DCC: variants seen among roughly 807,000 people sequenced by gnomAD.
DCC encodes netrin receptor DCC.
In DCC, 58 loss-of-function variants were observed where a neutral mutation model predicts 172.5. The observed-to-expected ratio is 0.34, with a 90% CI of 0.27 to 0.42. The LOEUF is 0.42. DCC is among the 10% of genes least tolerant of loss of function. The pLI, the probability that DCC is intolerant of heterozygous loss-of-function variation, is 1.00. For synonymous variants in DCC, 709 were observed against 644.5 expected, an observed-to-expected ratio of 1.10 and a Z score of -1.52; for missense variants, 1,740 against 1,791.0, an observed-to-expected ratio of 0.97 and a Z score of 0.51.
intron 5 of DCC, among the ~76,000 whole-genome samples, chr18:52,989,634 G>C (rs1291994869): frequency 1.3e-5 from 2 of 152,134 alleles, no homozygotes; most frequent in Non-Finnish European, 2.9e-5. Flanking sequence ...AATAAATATA[G>C]ATAAGATATG....
At chr18:53,087,782 A>G (rs2042937175) in intron 7 of DCC, among the ~76,000 whole-genome samples, 1 of 152,162 alleles carries the variant, frequency 6.6e-6, no homozygotes, top group Non-Finnish European at 1.5e-5. Context: ...TTTTTATATA[A>G]GGTGTAAGGA....
chr18:52,443,774 AGCT>A (rs1376986302), intron 1 of DCC, among the ~76,000 whole-genome samples: 3 of 152,238 alleles, frequency 2.0e-5, no homozygotes, highest in Non-Finnish European at 2.9e-5. Context: ...TTTATTGTGT[AGCT>A]GCTAAGATGA....
chr18:52,744,485 A>G (rs1340760725), intron 1 of DCC, among the ~76,000 whole-genome samples: 1 of 152,182 alleles, frequency 6.6e-6, no homozygotes, highest in African/African-American at 2.4e-5. Flanking sequence ...TGCATTTTTT[A>G]GTAATAAAAA....
At chr18:53,280,037 C>A (rs146272625) in intron 12 of DCC, among the ~76,000 whole-genome samples, 4 of 152,120 alleles carry the variant, frequency 2.6e-5, no homozygotes, top group African/African-American at 7.2e-5. Flanking sequence ...GCCCCTATCA[C>A]ACAAAATTTA....
At chr18:52,610,993 C>A (rs1401605237) in intron 1 of DCC, among the ~76,000 whole-genome samples, 1 of 151,992 alleles carries the variant, frequency 6.6e-6, no homozygotes, top group Non-Finnish European at 1.5e-5. Context: ...TAGAATTTTC[C>A]CCTTTTGACA....
At chr18:53,370,874 C>G (rs1021957008) in intron 15 of DCC, among the ~76,000 whole-genome samples, 2 of 151,450 alleles carry the variant, frequency 1.3e-5, no homozygotes, top group Admixed American at 6.6e-5. Flanking sequence ...TTGTTAAGTC[C>G]TCTATTTTCT....
At chr18:53,117,259 T>C (rs932973213) in intron 7 of DCC, among the ~76,000 whole-genome samples, 2 of 151,768 alleles carry the variant, frequency 1.3e-5, no homozygotes, top group Non-Finnish European at 2.9e-5. Context: ...TGTAAGAAAG[T>C]TTACTTGCTC....
rs375542141 is a variant in DCC at position 52,536,969 on chromosome 18, C to CT, written c.91+196097dup. Among the ~76,000 whole-genome samples, 921 of 152,190 alleles carry CT rather than the reference C, an allele frequency of 6.1e-3. 14 individuals are homozygous for CT. Among genetic ancestry groups the CT allele is most frequent in the African/African-American group, 0.021 (885 of 41,526 alleles). On this transcript the variant is annotated intron_variant, in intron 1 of 28. Coordinates refer to ENST00000442544, the MANE Select transcript of DCC (RefSeq NM_005215.4). ...GGAAGGTTTAGACTCAGTGCAGTGC[C>CT]TTTTTTATTTTAATCATCCTTAAAG...
chr18:53,110,820 C>G (rs2043319000), intron 7 of DCC, among the ~76,000 whole-genome samples: 2 of 125,296 alleles, frequency 1.6e-5, no homozygotes, highest in Admixed American at 1.7e-4. Context: ...ACTAGTTCAA[C>G]CATTGTGGAA....
chr18:53,112,873 A>T (rs2043353566), intron 7 of DCC, among the ~76,000 whole-genome samples: 1 of 151,496 alleles, frequency 6.6e-6, no homozygotes, highest in Non-Finnish European at 1.5e-5. Flanking sequence ...GTGTAATTGC[A>T]ATGTGTGTTG....
At chr18:52,984,419 T>C (rs1347928490) in intron 5 of DCC, among the ~76,000 whole-genome samples, 1 of 152,116 alleles carries the variant, frequency 6.6e-6, no homozygotes, top group Non-Finnish European at 1.5e-5. Context: ...TTTTTTGTTA[T>C]ATGTTTGATC....
chr18:52,932,966 G>GA (rs2040330296), intron 5 of DCC, among the ~76,000 whole-genome samples: 7 of 152,036 alleles, frequency 4.6e-5, no homozygotes, highest in Admixed American at 3.3e-4. Flanking sequence ...GAAAGGTCTA[G>GA]AAAAATCATC....
chr18:52,937,614 T>C (rs1488796361), intron 5 of DCC, among the ~76,000 whole-genome samples: 1 of 151,976 alleles, frequency 6.6e-6, no homozygotes, highest in Non-Finnish European at 1.5e-5. Flanking sequence ...CTCTCAAGTA[T>C]CTGGGGCTAC....
chr18:53,296,998 G>C (rs1175261805), intron 12 of DCC, among the ~76,000 whole-genome samples: 1 of 152,186 alleles, frequency 6.6e-6, no homozygotes, highest in African/African-American at 2.4e-5. Flanking sequence ...AAATGGGTTT[G>C]TCTTCACCTG....
At chr18:52,453,344 A>G (rs921799306) in intron 1 of DCC, among the ~76,000 whole-genome samples, 2 of 152,310 alleles carry the variant, frequency 1.3e-5, no homozygotes, top group Non-Finnish European at 2.9e-5. Context: ...TTGGTGTGAC[A>G]TAATTGATAT....
intron 13 of DCC, 108 bp from the exon 14 acceptor site, chr18:53,321,939 T>C: frequency 1.3e-6 from 1 of 771,430 alleles, no homozygotes; most frequent in Non-Finnish European, 2.4e-6. Context: ...ACAAACAATG[T>C]AAAGCATGTC....
At chr18:53,156,532 A>G (rs1394050186) in intron 7 of DCC, among the ~76,000 whole-genome samples, 4 of 151,970 alleles carry the variant, frequency 2.6e-5, no homozygotes, top group African/African-American at 4.8e-5. Context: ...TTTTTAATAC[A>G]TAAGAAGAGT....
intron 12 of DCC, among the ~76,000 whole-genome samples, chr18:53,223,091 TAGA>T (rs2055968307): frequency 1.3e-5 from 2 of 152,146 alleles, no homozygotes; most frequent in Admixed American, 6.6e-5. Context: ...TGACATCTGT[TAGA>T]AGATTTGAAT....
intron 21 of DCC, 167 bp downstream of exon 21, chr18:53,416,323 C>T (rs1421041175): frequency 7.1e-6 from 5 of 707,876 alleles, no homozygotes; most frequent in South Asian, 3.0e-5. Flanking sequence ...GCTGAGGCTG[C>T]GGCTCTGATA....
Sources: gnomAD v4.1 joint callset for allele counts (sites outside exome capture counted in the v4.1 genomes callset) on GRCh38, gnomAD v4.1.1 for gene constraint, MANE v1.5 for transcripts, NCBI Gene and HGNC (gene_info 2026-07-23, HGNC 2026-07-21) for gene names.